The following PRDM16 variants were observed in gnomAD, a reference collection of about 807,000 sequenced individuals.
PRDM16 encodes the protein histone-lysine N-methyltransferase PRDM16.
A neutral mutation model predicts 110.6 loss-of-function variants in PRDM16; 23 were observed. The observed-to-expected ratio is 0.21, with a 90% CI of 0.15 to 0.29. The LOEUF (loss-of-function observed/expected upper bound fraction) is 0.29, where lower values mean the gene tolerates loss of function less well. PRDM16 is among the 10% of genes least tolerant of loss of function. The pLI is 1.00. For synonymous variants in PRDM16, 799 were observed against 781.8 expected, an observed-to-expected ratio of 1.02 and a Z score of -0.37; for missense variants, 1,615 against 1,794.3, an observed-to-expected ratio of 0.90 and a Z score of 1.81.
intron 1 of PRDM16, among the ~76,000 whole-genome samples, chr1:3,113,267 A>G (rs1642835896): frequency 6.6e-6 from 1 of 152,224 alleles, no homozygotes; most frequent in African/African-American, 2.4e-5. Context: ...TGGAGGGAGC[A>G]TCAGGTGCAG....
chr1:3,374,493 C>T (rs1342014046), intron 3 of PRDM16, among the ~76,000 whole-genome samples: 3 of 152,182 alleles, frequency 2.0e-5, no homozygotes, highest in African/African-American at 7.2e-5. Context: ...AGAGGAAGGT[C>T]CAAGGACTCC....
intron 3 of PRDM16, among the ~76,000 whole-genome samples, chr1:3,282,274 T>G (rs993647090): frequency 2.0e-5 from 3 of 152,188 alleles, no homozygotes; most frequent in Non-Finnish European, 4.4e-5. Context: ...GCACCAGCCC[T>G]TCCCCAGACA....
chr1:3,123,616 G>C (rs747865564), intron 1 of PRDM16, among the ~76,000 whole-genome samples: 2 of 152,218 alleles, frequency 1.3e-5, no homozygotes, highest in Non-Finnish European at 2.9e-5. Flanking sequence ...GAACTGGGAG[G>C]GGGGGCAGCC....
chr1:3,318,706 G>A (rs1304933347), intron 3 of PRDM16, among the ~76,000 whole-genome samples: 1 of 152,188 alleles, frequency 6.6e-6, no homozygotes, highest in African/African-American at 2.4e-5. Context: ...CCCTAAGGTA[G>A]CAAATCTCAG....
chr1:3,328,792 G>A (rs566884300), intron 3 of PRDM16, among the ~76,000 whole-genome samples: 15 of 152,278 alleles, frequency 9.9e-5, no homozygotes, highest in African/African-American at 2.4e-5. Flanking sequence ...CAGCCAGGTG[G>A]GGGCTTGGGT....
chr1:3,427,025 G>A (rs1377237461), intron 14 of PRDM16, among the ~76,000 whole-genome samples: 1 of 152,260 alleles, frequency 6.6e-6, no homozygotes, highest in Non-Finnish European at 1.5e-5. Context: ...CATGCACATG[G>A]ACAGTGTGTG....
intron 1 of PRDM16, among the ~76,000 whole-genome samples, chr1:3,165,089 C>T (rs1569734224): frequency 6.6e-6 from 1 of 152,236 alleles, no homozygotes; most frequent in Non-Finnish European, 1.5e-5. Context: ...GAGCTCCGGG[C>T]CCCCCTCTGC....
At chr1:3,375,885 A>G (rs1642982181) in intron 3 of PRDM16, among the ~76,000 whole-genome samples, 1 of 152,232 alleles carries the variant, frequency 6.6e-6, no homozygotes, top group Admixed American at 6.5e-5. Context: ...AAATAGGAAT[A>G]GGAAGGAAGG....
chr1:3,176,152 T>TATCCATCCATCCATCC (rs145743378), intron 1 of PRDM16, among the ~76,000 whole-genome samples: 1,700 of 90,634 alleles, frequency 0.019, 2 homozygotes, highest in East Asian at 0.11. Context: ...CTCATTCATC[T>TATCCATCCATCCATCC]ATCCATCCAT....
chr1:3,352,712 C>A (rs1642518704), intron 3 of PRDM16, among the ~76,000 whole-genome samples: 1 of 152,248 alleles, frequency 6.6e-6, no homozygotes. Context: ...ATACACCCAC[C>A]CAGTATAAAA....
At chr1:3,408,801 T>TCGGCGCAC in intron 8 of PRDM16, among the ~76,000 whole-genome samples, 1 of 133,494 alleles carries the variant, frequency 7.5e-6, no homozygotes, top group Non-Finnish European at 1.6e-5. Flanking sequence ...GGTGCGTGTG[T>TCGGCGCAC]GTGAGCGCGT....
At chr1:3,345,520 A>G (rs1258211012) in intron 3 of PRDM16, among the ~76,000 whole-genome samples, 1 of 152,226 alleles carries the variant, frequency 6.6e-6, no homozygotes, top group Non-Finnish European at 1.5e-5. Flanking sequence ...ACAGGTGGCA[A>G]TAATGAGGTT....
intron 2 of PRDM16, among the ~76,000 whole-genome samples, chr1:3,225,106 G>T (rs1484040807): frequency 6.6e-6 from 1 of 152,024 alleles, no homozygotes; most frequent in Non-Finnish European, 1.5e-5. Flanking sequence ...CCTTGAAAAT[G>T]TTAGAGTTTA....
At chr1:3,327,728 A>T (rs1641948086) in intron 3 of PRDM16, among the ~76,000 whole-genome samples, 1 of 152,068 alleles carries the variant, frequency 6.6e-6, no homozygotes, top group South Asian at 2.1e-4. Flanking sequence ...AAGCGCCACC[A>T]CTGCACTTGG....
At chr1:3,072,372 G>T (rs1025994661) in intron 1 of PRDM16, among the ~76,000 whole-genome samples, 2 of 152,166 alleles carry the variant, frequency 1.3e-5, no homozygotes, top group African/African-American at 4.8e-5. Flanking sequence ...GCTGCTCCTT[G>T]AGGCCTGATC....
chr1:3,385,077 T>TG, intron 3 of PRDM16, 75 bp from the exon 4 acceptor site: 1 of 1,573,366 alleles, frequency 6.4e-7, no homozygotes, highest in South Asian at 1.1e-5. Context: ...GCCAGGTTTC[T>TG]GGGTGGGCAG....
Position 3,208,242 on chromosome 1 carries a change from G to A in PRDM16, c.387+21768G>A, listed in dbSNP as rs1638798461. On this transcript the variant is annotated intron_variant, in intron 2 of 16. Coordinates refer to ENST00000270722, the MANE Select transcript of PRDM16 (RefSeq NM_022114.4). The surrounding 1 kb of genome is among the most constrained non-coding windows in gnomAD (Gnocchi z 6.1). Reference sequence around the variant, plus strand: ...TGACAAGGGGACCTCTTCTTCCCGGGATCTTGTTCCGACCTTTGCTTAAAG... The same window carrying A: ...TGACAAGGGGACCTCTTCTTCCCGGAATCTTGTTCCGACCTTTGCTTAAAG... 6.6e-6 allele frequency: 1 copy of A among 152,216 alleles called. No homozygotes were observed. The highest frequency in any genetic ancestry group is 2.1e-4 in the South Asian group (1 of 4,826). 9.4% of individuals were successfully genotyped at this position (152,216 alleles called of 1,614,324 possible).
chr1:3,322,050 CGT>C (rs750860910), intron 3 of PRDM16, among the ~76,000 whole-genome samples: 5 of 146,550 alleles, frequency 3.4e-5, no homozygotes, highest in South Asian at 2.2e-4. Context: ...GTTTGGAGGT[CGT>C]GTGTGTGTGG....
intron 3 of PRDM16, among the ~76,000 whole-genome samples, chr1:3,299,377 C>T (rs1474815275): frequency 1.1e-5 from 1 of 91,390 alleles, no homozygotes; most frequent in Non-Finnish European, 2.5e-5. Flanking sequence ...TTTCAGATCC[C>T]AGTTGTGGTG....
Sources: gnomAD v4.1 joint callset for allele counts (sites outside exome capture counted in the v4.1 genomes callset) on GRCh38, gnomAD v4.1.1 for gene constraint, Gnocchi (gnomAD v3.1) non-coding constraint, MANE v1.5 for transcripts, NCBI Gene and HGNC (gene_info 2026-07-23, HGNC 2026-07-21) for gene names.